Variants in ARK2C observed in about 807,000 individuals in gnomAD.
ARK2C encodes the protein arkadia (RNF111) C-terminal like ring finger ubiquitin ligase 2C.
chr18:46,372,025 T>A, the ARK2C span, among the ~76,000 whole-genome samples: 7 of 152,190 alleles, frequency 4.6e-5, no homozygotes, highest in Non-Finnish European at 1.0e-4. Context: ...ATGGGCCATA[T>A]CAGGAGATGT....
the ARK2C span, chr18:46,450,471 C>A: frequency 1.7e-6 from 2 of 1,169,074 alleles, no homozygotes; most frequent in Non-Finnish European, 2.6e-6. Context: ...TTTTCCCTCC[C>A]CACCTCTGCT....
chr18:46,444,462 A>G, the ARK2C span, among the ~76,000 whole-genome samples: 2 of 151,382 alleles, frequency 1.3e-5, no homozygotes, highest in South Asian at 2.1e-4. Context: ...GGTGTGCTTC[A>G]TTTTGGATTA....
chr18:46,379,995 G>A, the ARK2C span, among the ~76,000 whole-genome samples: 1 of 152,202 alleles, frequency 6.6e-6, no homozygotes, highest in East Asian at 1.9e-4. Flanking sequence ...AGGCTCCAAA[G>A]GCAGAGGCCA....
At chr18:46,424,794 C>T in the ARK2C span, among the ~76,000 whole-genome samples, 1 of 152,188 alleles carries the variant, frequency 6.6e-6, no homozygotes, top group African/African-American at 2.4e-5. Context: ...GGGGAAGTGC[C>T]CTGGCCTTTG....
At chr18:46,413,221 C>T in the ARK2C span, among the ~76,000 whole-genome samples, 4 of 152,114 alleles carry the variant, frequency 2.6e-5, no homozygotes, top group South Asian at 4.2e-4. Flanking sequence ...TGCCCCGACC[C>T]GTTCCAAGGG....
the ARK2C span, among the ~76,000 whole-genome samples, chr18:46,370,527 G>A: frequency 6.6e-6 from 1 of 152,194 alleles, no homozygotes; most frequent in African/African-American, 2.4e-5. Flanking sequence ...TGGCTGTAGG[G>A]AAAACATTGT....
chr18:46,383,211 G>T, the ARK2C span, among the ~76,000 whole-genome samples: 1 of 152,236 alleles, frequency 6.6e-6, no homozygotes. Context: ...CCCAGGGGAG[G>T]CAGTGGGTGT....
At chr18:46,362,639 A>G in the ARK2C span, among the ~76,000 whole-genome samples, 6 of 152,256 alleles carry the variant, frequency 3.9e-5, no homozygotes, top group African/African-American at 1.2e-4. Context: ...TTCCAGACAT[A>G]TGGTTTCTTG....
At chr18:46,396,868 G>T in the ARK2C span, among the ~76,000 whole-genome samples, 2 of 152,198 alleles carry the variant, frequency 1.3e-5, no homozygotes, top group African/African-American at 2.4e-5. Context: ...CATGACGTGG[G>T]TTGGGTGGAT....
chr18:46,409,249 G>A, the ARK2C span, among the ~76,000 whole-genome samples: 6 of 152,330 alleles, frequency 3.9e-5, no homozygotes, highest in South Asian at 1.2e-3. Flanking sequence ...AAGGGGAACA[G>A]CAATATGAGA....
the ARK2C span, among the ~76,000 whole-genome samples, chr18:46,393,894 CCTT>C: frequency 6.6e-6 from 1 of 152,234 alleles, no homozygotes; most frequent in Non-Finnish European, 1.5e-5. Context: ...GTTACTTAAT[CCTT>C]CTGAATATTA....
the ARK2C span, among the ~76,000 whole-genome samples, chr18:46,348,204 G>T: frequency 1.3e-5 from 2 of 150,236 alleles, no homozygotes; most frequent in Non-Finnish European, 3.0e-5. Flanking sequence ...AAGGGGTGGG[G>T]TGAGGGCGTT....
At chr18:46,418,560 T>C in the ARK2C span, among the ~76,000 whole-genome samples, 2 of 152,250 alleles carry the variant, frequency 1.3e-5, no homozygotes, top group Non-Finnish European at 2.9e-5. Context: ...TCACATTTGG[T>C]AACCATACAG....
the ARK2C span, among the ~76,000 whole-genome samples, chr18:46,402,990 C>T: frequency 0.045 from 6,799 of 152,258 alleles, 424 homozygotes; most frequent in African/African-American, 0.14. Context: ...TTCTGAGCCA[C>T]GTCTGTGGCT....
At chr18:46,447,983 C>CT in the ARK2C span, among the ~76,000 whole-genome samples, 1 of 148,452 alleles carries the variant, frequency 6.7e-6, no homozygotes, top group African/African-American at 2.5e-5. Flanking sequence ...CCCCTGTGCC[C>CT]TGGCCCCCTT....
At chr18:46,423,914 GT>G in the ARK2C span, among the ~76,000 whole-genome samples, 3 of 152,026 alleles carry the variant, frequency 2.0e-5, no homozygotes, top group African/African-American at 7.3e-5. Context: ...CTTCTTCACT[GT>G]CCTCTCTCCA....
the ARK2C span, among the ~76,000 whole-genome samples, chr18:46,383,886 A>T: frequency 1.3e-5 from 2 of 152,174 alleles, no homozygotes; most frequent in Admixed American, 6.5e-5. Context: ...GACTAACTTT[A>T]CAGAGTCCAG....
chr18:46,446,670 CAAAAAAA>C, the ARK2C span, among the ~76,000 whole-genome samples: 427 of 34,392 alleles, frequency 0.012, 3 homozygotes, highest in Middle Eastern at 0.037. Context: ...GACTCCATCT[CAAAAAAA>C]AAAAAAAAAA....
At chr18:46,433,894 C>A in the ARK2C span, among the ~76,000 whole-genome samples, 1 of 152,178 alleles carries the variant, frequency 6.6e-6, no homozygotes, top group African/African-American at 2.4e-5. Context: ...CTCCTCATGT[C>A]CCCTCCAGCT....
Sources: gnomAD v4.1 joint callset for allele counts (sites outside exome capture counted in the v4.1 genomes callset) on GRCh38, gnomAD v4.1.1 for gene constraint, MANE v1.5 for transcripts, NCBI Gene and HGNC (gene_info 2026-07-23, HGNC 2026-07-21) for gene names.